Variants in MTPAP observed in about 807,000 individuals in gnomAD.
The protein encoded by MTPAP is poly(A) RNA polymerase, mitochondrial.
Under a neutral mutation model 48.7 loss-of-function variants are expected in MTPAP, and 23 were observed. The observed-to-expected ratio is 0.47, with a 90% CI of 0.34 to 0.67. The LOEUF is 0.67. MTPAP is among the 30% of genes least tolerant of loss of function. MTPAP has a pLI of 0.01. For missense variants in MTPAP, 614 were observed against 694.3 expected (o/e 0.88, Z 1.30); for synonymous variants, 257 against 254.1 (o/e 1.01, Z -0.11).
At chr10:30,329,733 G>C (rs1834643398) in intron 4 of MTPAP, among the ~76,000 whole-genome samples, 2 of 151,894 alleles carry the variant, frequency 1.3e-5, no homozygotes, top group African/African-American at 4.8e-5. Flanking sequence ...GTTACCTAGT[G>C]GTCCAGTGCC....
At chr10:30,322,282 C>A in intron 6 of MTPAP, 109 bp downstream of exon 6, 1 of 1,015,340 alleles carries the variant, frequency 9.8e-7, no homozygotes, top group Non-Finnish European at 1.5e-6. Context: ...AAAGTCAAGA[C>A]AAATTTTATG....
intron 3 of MTPAP, among the ~76,000 whole-genome samples, chr10:30,339,416 G>T (rs1177742376): frequency 6.8e-6 from 1 of 147,702 alleles, no homozygotes; most frequent in Non-Finnish European, 1.5e-5. Context: ...GAATCGGGGA[G>T]CAGTTGCAGT....
In MTPAP at chr10:30,340,435, CGACAGCATAGA is replaced by C. The variant is rs1564523759; in HGVS notation, c.335_345del (p.Leu112ArgfsTer44). On this transcript the variant is annotated frameshift_variant, in exon 3 of 9. Coordinates refer to ENST00000263063, the MANE Select transcript of MTPAP (RefSeq NM_018109.4). LOFTEE classifies it high-confidence loss of function. ...ATGCTTTCCTTTTGGCAAAATTCTA[CGACAGCATAGA>C]GACCCTATACCAAAAACATAAGAAA... The C allele has an allele frequency of 6.2e-7, 1 of 1,613,884 alleles. No homozygotes were observed. Among genetic ancestry groups the C allele is most frequent in the Admixed American group, 1.7e-5 (1 of 60,002 alleles).
chr10:30,314,471 G>T (rs1840636986), intron 8 of MTPAP, among the ~76,000 whole-genome samples: 1 of 151,992 alleles, frequency 6.6e-6, no homozygotes, highest in African/African-American at 2.4e-5. Flanking sequence ...TGTTTCCCAA[G>T]TATGAGATGA....
At position 30,314,884 on chromosome 10, in the gene MTPAP, C is replaced by CAAAAAAAAA. The variant is rs34249388; in HGVS notation, c.1387-922_1387-914dup. Among the ~76,000 whole-genome samples the CAAAAAAAAA allele has an allele frequency of 2.2e-3, 246 of 110,686 alleles. 2 individuals are homozygous for CAAAAAAAAA. The highest frequency in any genetic ancestry group is 3.4e-3 in the East Asian group (13 of 3,796). 72.6% of individuals were successfully genotyped at this position (110,686 alleles called of 152,430 possible). On this transcript the variant is annotated intron_variant, in intron 8 of 8. Transcript: ENST00000263063. The stretch of plus-strand genomic sequence containing the variant: ...GAGACTCTGTCTCAAAAAACAAAAA[C>CAAAAAAAAA]AAAAAAAAAAAAAAAAAAAAAGAAG...
intron 1 of MTPAP, 121 bp from the exon 2 acceptor site, chr10:30,341,761 C>A (rs919460900): frequency 6.7e-6 from 7 of 1,049,658 alleles, no homozygotes; most frequent in African/African-American, 4.7e-5. Context: ...TCTATTTTTT[C>A]TCTTCCTTTA....
intron 6 of MTPAP, 65 bp downstream of exon 6, chr10:30,322,326 C>T: frequency 7.7e-7 from 1 of 1,300,266 alleles, no homozygotes; most frequent in Non-Finnish European, 1.1e-6. Context: ...TTTGGTAACA[C>T]ATGGTAATTA....
At chr10:30,316,999 G>A (rs952919432) in intron 6 of MTPAP, among the ~76,000 whole-genome samples, 18 of 152,006 alleles carry the variant, frequency 1.2e-4, no homozygotes, top group Admixed American at 3.9e-4. Context: ...ATTAAATAAC[G>A]ATTTAATCTA....
intron 1 of MTPAP, among the ~76,000 whole-genome samples, chr10:30,348,172 G>A (rs1202863764): frequency 6.6e-6 from 1 of 152,166 alleles, no homozygotes; most frequent in Non-Finnish European, 1.5e-5. Flanking sequence ...ATGTTCAACA[G>A]AAGTAGCTTC....
At position 30,317,945 on chromosome 10, in the gene MTPAP, C is replaced by T. The variant is rs369474265; in HGVS notation, c.1220-1735G>A. ...TGACCTTGGCTCACTGCAACTTCCG[C>T]GTCCCGGCTTCAAGTGATTCTCCTG... On this transcript the variant is annotated intron_variant, in intron 6 of 8. Coordinates refer to ENST00000263063, the MANE Select transcript of MTPAP (RefSeq NM_018109.4). 1.4e-4 allele frequency among the ~76,000 whole-genome samples: 21 copies of T among 152,250 alleles called. No homozygotes were observed. The South Asian group carries it at 3.7e-3, about 27-fold the overall frequency.
intron 5 of MTPAP, among the ~76,000 whole-genome samples, chr10:30,324,284 AGGATGACTTGAGCC>A (rs1448390413): frequency 6.6e-6 from 1 of 152,196 alleles, no homozygotes; most frequent in Non-Finnish European, 1.5e-5. Flanking sequence ...TCAAAGCAGG[AGGATGACTTGAGCC>A]CAGGAGTTTG....
At position 30,322,611 on chromosome 10, in the gene MTPAP, G is replaced by C. The variant is rs1161468596; in HGVS notation, c.999C>G (p.Ala333=). Residue 333 remains alanine, a synonymous_variant, in exon 6 of 9, where the codon GCC becomes GCG. Coordinates refer to ENST00000263063, the MANE Select transcript of MTPAP (RefSeq NM_018109.4). ...TATAAAGGAGTTCGGAACTTGTCAA[G>C]GCAATCCTTCAAAAAATAAAAATAA... ...QCDLTTNNRI[A]LTSSELLYIY... is the part of the protein sequence containing the mutation. The C allele has an allele frequency of 6.2e-7, 1 of 1,607,482 alleles. No homozygotes were observed. Among genetic ancestry groups the C allele is most frequent in the African/African-American group, 1.3e-5 (1 of 74,596 alleles).
intron 6 of MTPAP, among the ~76,000 whole-genome samples, chr10:30,320,118 G>C (rs991959100): frequency 1.3e-4 from 20 of 152,168 alleles, no homozygotes; most frequent in African/African-American, 4.8e-4. Context: ...AAAATTAGCT[G>C]AGTGAGTGGT....
intron 5 of MTPAP, among the ~76,000 whole-genome samples, chr10:30,324,990 CAA>C (rs58151057): frequency 0.26 from 31,985 of 122,940 alleles, 3,732 homozygotes; most frequent in Middle Eastern, 0.33. Flanking sequence ...GACTATGTCT[CAA>C]AAAAAAAAAA....
Position 30,348,989 on chromosome 10 carries a change from G to C in MTPAP, c.157+130C>G, listed in dbSNP as rs958227728. 4 of 1,357,982 alleles carry C rather than the reference G, an allele frequency of 2.9e-6. No individual in the cohort carries two copies. In the African/African-American group the frequency reaches 4.3e-5, roughly 15 times the overall value. The allele number at this position is 1,357,982 out of a possible 1,614,324, so 84.1% of individuals were successfully genotyped here. ...CCCCTACAGAGATCAGAGGAGAGGA[G>C]AGGACAGGACACAGCCCCACCCTCT... On this transcript the variant is annotated intron_variant, in intron 1 of 8. Transcript: ENST00000263063.
intron 4 of MTPAP, among the ~76,000 whole-genome samples, chr10:30,331,734 T>C (rs1834668403): frequency 6.6e-6 from 1 of 152,198 alleles, no homozygotes; most frequent in African/African-American, 2.4e-5. Flanking sequence ...GCCCGGCTAA[T>C]TTTTGTTATC....
intron 6 of MTPAP, among the ~76,000 whole-genome samples, chr10:30,319,939 C>T (rs909888116): frequency 5.3e-5 from 8 of 152,082 alleles, no homozygotes; most frequent in African/African-American, 7.2e-5. Context: ...TGATGCTATA[C>T]GATGTGAACA....
chr10:30,314,884 C>CAAAAAAAAAAAAAAAAAAAGAAAA (rs1840641517), intron 8 of MTPAP, among the ~76,000 whole-genome samples: 2 of 110,746 alleles, frequency 1.8e-5, no homozygotes, highest in Non-Finnish European at 3.5e-5. Context: ...AAAACAAAAA[C>CAAAAAAAAAAAAAAAAAAAGAAAA]AAAAAAAAAA....
chr10:30,324,990 C>CAAAA (rs58151057), intron 5 of MTPAP, among the ~76,000 whole-genome samples: 1 of 123,012 alleles, frequency 8.1e-6, no homozygotes. Flanking sequence ...GACTATGTCT[C>CAAAA]AAAAAAAAAA....
Sources: allele counts gnomAD v4.1 joint callset (sites outside exome capture counted in the v4.1 genomes callset), GRCh38; gene constraint gnomAD v4.1.1; transcripts MANE v1.5; gene names NCBI Gene and HGNC (gene_info 2026-07-23, HGNC 2026-07-21).